KIR2DL3: variants seen among roughly 807,000 people sequenced by gnomAD.
The protein encoded by KIR2DL3 is killer cell immunoglobulin like receptor, two Ig domains and long cytoplasmic tail 3.
KIR2DL3 carries 39 observed loss-of-function variants against 33.8 expected under a neutral mutation model. The ratio of observed to expected loss-of-function variants is 1.15; its 90% confidence interval spans 0.89 to 1.51. The LOEUF is 1.51. KIR2DL3 is among the 40% of genes most tolerant of loss of function. KIR2DL3 has a pLI of 0.00. For missense variants in KIR2DL3, 462 were observed against 426.2 expected (o/e 1.08, Z -0.74); for synonymous variants, 174 against 160.2 (o/e 1.09, Z -0.65).
intron 5 of KIR2DL3, among the ~76,000 whole-genome samples, chr19:54,749,034 C>A (rs1286194578): frequency 6.6e-6 from 1 of 152,072 alleles, no homozygotes; most frequent in Non-Finnish European, 1.5e-5. Context: ...GGATTGAACC[C>A]CTGAAAGATT....
intron 2 of KIR2DL3, among the ~76,000 whole-genome samples, chr19:54,740,789 G>C (rs2070912863): frequency 6.6e-6 from 1 of 151,860 alleles, no homozygotes; most frequent in South Asian, 2.1e-4. Context: ...TGAAGGGGAA[G>C]ATGGAGCTCA....
In KIR2DL3 at chr19:54,747,482, G is replaced by T. The variant is rs1378464639; in HGVS notation, c.715+97G>T. 4 of 1,459,240 alleles carry T rather than the reference G, an allele frequency of 2.7e-6. No homozygotes were observed. The East Asian group carries it at 6.8e-5, about 25-fold the overall frequency. 90.4% of individuals were successfully genotyped at this position (1,459,240 alleles called of 1,614,324 possible). On this transcript the variant is annotated intron_variant, in intron 5 of 7. Coordinates refer to ENST00000342376, the MANE Select transcript of KIR2DL3 (RefSeq NM_015868.3). ...CTCAGCATCTCGCAGCTCTGACATT[G>T]TACGCCTGTCTTCTACCATCTCCGA...
At chr19:54,751,491 A>G (rs2073412584) in intron 5 of KIR2DL3, among the ~76,000 whole-genome samples, 158 bp from the exon 6 acceptor site, 1 of 133,686 alleles carries the variant, frequency 7.5e-6, no homozygotes, top group Non-Finnish European at 1.6e-5. Context: ...TATGAGAGCT[A>G]TAACTGAGAA....
rs200751396 is a variant in KIR2DL3 at position 54,744,045 on chromosome 19, C to G, written c.621C>G (p.Tyr207Ter). The G allele has an allele frequency of 1.9e-6, 3 of 1,556,062 alleles. No individual in the cohort carries two copies. The South Asian group carries it at 3.4e-5, about 18-fold the overall frequency. The change falls in exon 4 of 8, where the codon TAC becomes TAG. Residue 207 changes from tyrosine to a stop codon, truncating the protein, a stop_gained. Coordinates refer to ENST00000342376, the MANE Select transcript of KIR2DL3 (RefSeq NM_015868.3). LOFTEE classifies it high-confidence loss of function. ...TCGGCTCTTTCCGTGACTCTCCATA[C>G]GAGTGGTCAAACTCGAGTGACCCAC... ...RCFGSFRDSP[Y>*]EWSNSSDPLL...
intron 2 of KIR2DL3, 119 bp downstream of exon 2, chr19:54,739,661 C>T: frequency 1.9e-6 from 3 of 1,548,136 alleles, no homozygotes; most frequent in Non-Finnish European, 2.7e-6. Flanking sequence ...CCCTGGGGTG[C>T]TCAGCCCACA....
chr19:54,751,333 G>A (rs8100229), intron 5 of KIR2DL3, among the ~76,000 whole-genome samples: 3,301 of 117,478 alleles, frequency 0.028, 766 homozygotes, highest in African/African-American at 0.099. Flanking sequence ...GACAGCATTG[G>A]TCTGTTCATG....
At chr19:54,744,205 G>T (rs1452654210) in intron 4 of KIR2DL3, 117 bp downstream of exon 4, 6 of 1,487,890 alleles carry the variant, frequency 4.0e-6, no homozygotes, top group Non-Finnish European at 5.5e-6. Flanking sequence ...AAGCTTGGGT[G>T]TGAGGGAGGG....
intron 5 of KIR2DL3, 75 bp downstream of exon 5, chr19:54,747,460 A>T: frequency 6.6e-7 from 1 of 1,512,404 alleles, no homozygotes. Flanking sequence ...GCATTGACTC[A>T]GCATCTCGCA....
chr19:54,744,274 A>T (rs1402391306), intron 4 of KIR2DL3, among the ~76,000 whole-genome samples, 186 bp downstream of exon 4: 2 of 152,238 alleles, frequency 1.3e-5, no homozygotes, highest in African/African-American at 2.4e-5. Flanking sequence ...GCCTGCATGA[A>T]GGCCCGCGGC....
At chr19:54,751,103 G>A (rs28376840) in intron 5 of KIR2DL3, among the ~76,000 whole-genome samples, 46,729 of 129,354 alleles carry the variant, frequency 0.36, 14,911 homozygotes, top group Middle Eastern at 0.5. Flanking sequence ...TCTGCAGGCT[G>A]TACTGGAAGC....
Position 54,752,836 on chromosome 19 carries a change from C to A in KIR2DL3, c.*317C>A. 2.1e-6 allele frequency: 1 copy of A among 478,090 alleles called. No individual in the cohort carries two copies. The highest frequency in any genetic ancestry group is 3.2e-5 in the East Asian group (1 of 30,908). 29.6% of individuals were successfully genotyped at this position (478,090 alleles called of 1,614,324 possible). ...CCTAACTGGCTTACTTCCTAGTCTA[C>A]TTGAGGCTGCAATCACACTGAGGAA... On this transcript the variant is annotated 3_prime_UTR_variant, in exon 8 of 8. Coordinates refer to ENST00000342376, the MANE Select transcript of KIR2DL3 (RefSeq NM_015868.3).
rs2070195275 is a variant in KIR2DL3, at chr19:54,738,539, C to T, written c.-7C>T. On this transcript the variant is annotated 5_prime_UTR_variant, in exon 1 of 8. Transcript: ENST00000342376. Reference sequence around the variant, plus strand: ...GGGCGCGGCCGCCTGTCTGCACAGACAGCACCATGTCGCTCATGGTCGTCA... The same window carrying T: ...GGGCGCGGCCGCCTGTCTGCACAGATAGCACCATGTCGCTCATGGTCGTCA... The T allele has an allele frequency of 6.2e-7, 1 of 1,614,078 alleles. No homozygotes were observed. The highest frequency in any genetic ancestry group is 1.1e-5 in the South Asian group (1 of 91,096).
rs72253894 is a variant in KIR2DL3 at position 54,743,789 on chromosome 19, C to CT, written c.371-5dup. On this transcript the variant is annotated splice_region_variant and splice_polypyrimidine_tract_variant and intron_variant, in intron 3 of 7. Coordinates refer to ENST00000342376, the MANE Select transcript of KIR2DL3 (RefSeq NM_015868.3). ...CTCCGTAAGGAAAATGCCTCTTCTCCTCCAGGTCTATATGAGAAACCTTCT... is the reference window on the plus strand; with the variant it reads ...CTCCGTAAGGAAAATGCCTCTTCTCCTTCCAGGTCTATATGAGAAACCTTCT... The CT allele has an allele frequency of 0.3, 428,384 of 1,430,794 alleles. 85,345 individuals are homozygous for CT. The highest frequency in any genetic ancestry group is 0.41 in the South Asian group (33,070 of 80,054). The allele number at this position is 1,430,794 out of a possible 1,614,324, so 88.6% of individuals were successfully genotyped here.
chr19:54,751,597 TAA>T, intron 5 of KIR2DL3, 50 bp from the exon 6 acceptor site: 1 of 1,338,210 alleles, frequency 7.5e-7, no homozygotes, highest in Non-Finnish European at 1.0e-6. Flanking sequence ...AGACAATTCA[TAA>T]AGAGGAACTG....
Position 54,751,543 on chromosome 19 carries a change from C to G in KIR2DL3, c.716-106C>G. On this transcript the variant is annotated intron_variant, in intron 5 of 7. Coordinates refer to ENST00000342376, the MANE Select transcript of KIR2DL3 (RefSeq NM_015868.3). Reference sequence around the variant, plus strand: ...GTCTCCCTCCATCTGGGTGCTTGTCCTAAAGGGGTGTTGTATGTGGTTACC... The same window carrying G: ...GTCTCCCTCCATCTGGGTGCTTGTCGTAAAGGGGTGTTGTATGTGGTTACC... The G allele has an allele frequency of 4.1e-6, 4 of 982,334 alleles. 2 individuals carry two copies. Among genetic ancestry groups the G allele is most frequent in the Non-Finnish European group, 6.1e-6 (4 of 656,696 alleles). 60.9% of individuals were successfully genotyped at this position (982,334 alleles called of 1,614,324 possible).
chr19:54,743,307 TAGAG>T (rs545360655), intron 3 of KIR2DL3, among the ~76,000 whole-genome samples: 719 of 151,946 alleles, frequency 4.7e-3, no homozygotes, highest in African/African-American at 0.016. Flanking sequence ...ACAGAAATCA[TAGAG>T]AGAGAGATGA....
chr19:54,740,351 A>T (rs1971756639), intron 2 of KIR2DL3, among the ~76,000 whole-genome samples: 1 of 151,680 alleles, frequency 6.6e-6, no homozygotes, highest in Non-Finnish European at 1.5e-5. Flanking sequence ...TGTCACTCTT[A>T]TCTTGGGTTT....
Position 54,751,894 on chromosome 19 carries a change from G to A in KIR2DL3, c.820+141G>A, listed in dbSNP as rs1332905331. ...ACAGAGGGAGGACTTTCTAGAGAGA[G>A]CACCAGACTCCCTGTCCCTGCCTTC... On this transcript the variant is annotated intron_variant, in intron 6 of 7. Coordinates refer to ENST00000342376, the MANE Select transcript of KIR2DL3 (RefSeq NM_015868.3). 7.7e-6 allele frequency: 6 copies of A among 778,348 alleles called. 1 individual carries two copies. The highest frequency in any genetic ancestry group is 5.7e-5 in the South Asian group (3 of 52,288). 48.2% of individuals were successfully genotyped at this position (778,348 alleles called of 1,614,324 possible). A position where few individuals can be genotyped will look rare whatever the true frequency, so the allele number is the denominator to read the frequency against.
intron 2 of KIR2DL3, among the ~76,000 whole-genome samples, chr19:54,741,753 C>A (rs2071162481): frequency 6.6e-6 from 1 of 150,724 alleles, no homozygotes; most frequent in African/African-American, 2.4e-5. Flanking sequence ...TGAGGCTCAG[C>A]CCAGTGGGAA....
Sources: allele counts gnomAD v4.1 joint callset (sites outside exome capture counted in the v4.1 genomes callset), GRCh38; gene constraint gnomAD v4.1.1; transcripts MANE v1.5; gene names NCBI Gene and HGNC (gene_info 2026-07-23, HGNC 2026-07-21).